Variants in CCDC73 observed in about 807,000 individuals in gnomAD.
CCDC73 encodes coiled-coil domain containing 73.
CCDC73 carries 95 observed loss-of-function variants against 116.5 expected under a neutral mutation model. That is an observed-to-expected ratio of 0.82 (90% CI 0.69 to 0.97). The LOEUF is 0.97. Ranked by LOEUF, CCDC73 falls within the 50% of genes least tolerant of loss-of-function variation. The probability of loss-of-function intolerance (pLI) is 0.00; values close to 1 mark genes in which losing one functional copy is unlikely to be tolerated. For synonymous variants in CCDC73, 398 were observed against 401.3 expected (o/e 0.99, Z 0.10); for missense variants, 1,066 against 1,206.8 (o/e 0.88, Z 1.73).
chr11:32,755,693 GTGTATATATATATCTCCATATATA>G (rs1850332029), intron 2 of CCDC73, among the ~76,000 whole-genome samples: 3 of 43,176 alleles, frequency 6.9e-5, no homozygotes, highest in African/African-American at 2.0e-4. Context: ...CCATATATAT[GTGTATATATATATCTCCATATATA>G]TGTGTATATA....
chr11:32,741,609 T>C (rs191204701), intron 2 of CCDC73, among the ~76,000 whole-genome samples: 3 of 151,876 alleles, frequency 2.0e-5, no homozygotes, highest in African/African-American at 7.2e-5. Flanking sequence ...TAACAGATTG[T>C]TGAGTCTTTT....
At chr11:32,713,815 G>A (rs1055706281) in intron 3 of CCDC73, among the ~76,000 whole-genome samples, 1 of 152,016 alleles carries the variant, frequency 6.6e-6, no homozygotes, top group African/African-American at 2.4e-5. Context: ...TAAAATTGCT[G>A]AGGATGTCTC....
At chr11:32,627,062 T>G (rs1453734334) in intron 14 of CCDC73, among the ~76,000 whole-genome samples, 4 of 152,120 alleles carry the variant, frequency 2.6e-5, no homozygotes, top group African/African-American at 9.7e-5. Flanking sequence ...ATTTTTGCAT[T>G]CTACTCATCT....
At chr11:32,734,473 G>A (rs1255770168) in intron 2 of CCDC73, among the ~76,000 whole-genome samples, 1 of 150,454 alleles carries the variant, frequency 6.6e-6, no homozygotes, top group African/African-American at 2.5e-5. Context: ...TTCTTGCACA[G>A]GGGGATTTGG....
At chr11:32,675,034 C>T (rs1856073404) in intron 9 of CCDC73, among the ~76,000 whole-genome samples, 1 of 152,152 alleles carries the variant, frequency 6.6e-6, no homozygotes, top group African/African-American at 2.4e-5. Flanking sequence ...ACTCCCTTCC[C>T]TCCTTCACCC....
At chr11:32,814,496 T>C in the CCDC73 span, among the ~76,000 whole-genome samples, 1 of 152,100 alleles carries the variant, frequency 6.6e-6, no homozygotes, top group Non-Finnish European at 1.5e-5. Context: ...AGAAAGCCCC[T>C]AAGATGGCCG....
intron 2 of CCDC73, among the ~76,000 whole-genome samples, chr11:32,724,751 AT>A (rs1211410043): frequency 6.6e-6 from 1 of 152,164 alleles, no homozygotes; most frequent in African/African-American, 2.4e-5. Context: ...GGTCAACATA[AT>A]TCCTACCCTA....
intron 12 of CCDC73, among the ~76,000 whole-genome samples, chr11:32,642,961 A>C (rs1489954901): frequency 6.6e-6 from 1 of 151,708 alleles, no homozygotes; most frequent in African/African-American, 2.4e-5. Context: ...GAAATTGTCT[A>C]TATAACCATA....
At chr11:32,612,959 A>G (rs934392898) in intron 16 of CCDC73, among the ~76,000 whole-genome samples, 2 of 152,182 alleles carry the variant, frequency 1.3e-5, no homozygotes, top group Non-Finnish European at 2.9e-5. Flanking sequence ...ATGCATGAAT[A>G]TATGTTAAGG....
chr11:32,651,612 A>G (rs1477198448), intron 12 of CCDC73, among the ~76,000 whole-genome samples: 1 of 152,228 alleles, frequency 6.6e-6, no homozygotes, highest in Non-Finnish European at 1.5e-5. Flanking sequence ...TCAAGCCCCT[A>G]GCACATGCTC....
intron 1 of CCDC73, among the ~76,000 whole-genome samples, chr11:32,779,468 C>A (rs751554408): frequency 2.6e-5 from 4 of 152,148 alleles, no homozygotes; most frequent in Non-Finnish European, 5.9e-5. Flanking sequence ...GGATTGTTAT[C>A]TTTTAATGTT....
chr11:32,683,776 T>C (rs1856169607), intron 6 of CCDC73, among the ~76,000 whole-genome samples: 1 of 152,098 alleles, frequency 6.6e-6, no homozygotes, highest in Admixed American at 6.5e-5. Context: ...CAAAACAAAG[T>C]CCCTGCCCTT....
intron 2 of CCDC73, among the ~76,000 whole-genome samples, chr11:32,726,033 A>G (rs532337130): frequency 3.9e-5 from 6 of 152,320 alleles, no homozygotes; most frequent in East Asian, 1.9e-4. Flanking sequence ...AGGCAGCTCA[A>G]TCTCTGACTA....
At chr11:32,804,186 T>C in the CCDC73 span, among the ~76,000 whole-genome samples, 1 of 152,212 alleles carries the variant, frequency 6.6e-6, no homozygotes, top group African/African-American at 2.4e-5. Context: ...TTGCCCAGGC[T>C]GGAGTGCAGT....
intron 16 of CCDC73, among the ~76,000 whole-genome samples, chr11:32,612,564 C>A (rs1206955245): frequency 6.6e-6 from 1 of 151,658 alleles, no homozygotes; most frequent in Non-Finnish European, 1.5e-5. Flanking sequence ...CAAAGTGAGA[C>A]CTGTCTCTAC....
chr11:32,650,404 T>C (rs1424552089), intron 12 of CCDC73, among the ~76,000 whole-genome samples: 1 of 152,234 alleles, frequency 6.6e-6, no homozygotes, highest in African/African-American at 2.4e-5. Context: ...ATATTGTGTT[T>C]GGCCTAAAAA....
In CCDC73 at chr11:32,729,749, C is replaced by T. The variant is rs138887472; in HGVS notation, c.136-11602G>A. Among the ~76,000 whole-genome samples, 22 of 152,264 alleles carry T rather than the reference C, an allele frequency of 1.4e-4. 1 individual carries two copies. The East Asian group carries it at 2.5e-3, about 17-fold the overall frequency. ...TGGCATGAGGTATCTCCAACTCTAA[C>T]GCAGCAGCAAAGAGCTCATTCTAGC... On this transcript the variant is annotated intron_variant, in intron 2 of 17. Coordinates refer to ENST00000335185, the MANE Select transcript of CCDC73 (RefSeq NM_001008391.4).
chr11:32,774,844 G>A (rs968691296), intron 1 of CCDC73, among the ~76,000 whole-genome samples: 2 of 152,112 alleles, frequency 1.3e-5, no homozygotes, highest in African/African-American at 4.8e-5. Flanking sequence ...TCACAATCTG[G>A]TTGGAGAGAC....
intron 12 of CCDC73, among the ~76,000 whole-genome samples, chr11:32,642,420 A>G (rs1314914194): frequency 6.6e-6 from 1 of 152,016 alleles, no homozygotes. Context: ...GCCTAACTCT[A>G]CTAAAGAAAT....
Sources: gnomAD v4.1 joint callset for allele counts (sites outside exome capture counted in the v4.1 genomes callset) on GRCh38, gnomAD v4.1.1 for gene constraint, MANE v1.5 for transcripts, NCBI Gene and HGNC (gene_info 2026-07-23, HGNC 2026-07-21) for gene names.